The following MYCBP2 variants were observed in gnomAD, a reference collection of about 807,000 sequenced individuals.
The protein encoded by MYCBP2 is E3 ubiquitin-protein ligase MYCBP2.
Under a neutral mutation model 525.3 loss-of-function variants are expected in MYCBP2, and 120 were observed. That is an observed-to-expected ratio of 0.23 (90% CI 0.20 to 0.27). The LOEUF (loss-of-function observed/expected upper bound fraction) is 0.27, where lower values mean the gene tolerates loss of function less well. Ranked by LOEUF, MYCBP2 falls within the 10% of genes least tolerant of loss-of-function variation. The pLI, the probability that MYCBP2 is intolerant of heterozygous loss-of-function variation, is 1.00. For missense variants in MYCBP2, 4,149 were observed against 5,657.1 expected, an observed-to-expected ratio of 0.73 and a Z score of 8.55; for synonymous variants, 1,894 against 1,955.8, an observed-to-expected ratio of 0.97 and a Z score of 0.83.
At chr13:77,126,613 A>G in intron 52 of MYCBP2, 71 bp from the exon 53 acceptor site, 1 of 1,115,850 alleles carries the variant, frequency 9.0e-7, no homozygotes. Context: ...CTTCCTATTA[A>G]TAGCTTTTAT....
chr13:77,145,132 T>C (rs962909073), intron 48 of MYCBP2, among the ~76,000 whole-genome samples: 21 of 152,218 alleles, frequency 1.4e-4, no homozygotes, highest in African/African-American at 4.6e-4. Context: ...ATTCTCTCAC[T>C]TCTACTTCCT....
intron 26 of MYCBP2, among the ~76,000 whole-genome samples, chr13:77,198,201 C>G (rs893549014): frequency 6.6e-6 from 1 of 152,184 alleles, no homozygotes; most frequent in African/African-American, 2.4e-5. Context: ...TTCTTATTAT[C>G]AAAATATATG....
At chr13:77,149,483 C>T (rs909031474) in intron 47 of MYCBP2, among the ~76,000 whole-genome samples, 2 of 151,888 alleles carry the variant, frequency 1.3e-5, no homozygotes. Flanking sequence ...TATCCTGGAA[C>T]TTCTGTCTTC....
At chr13:77,296,499 T>C (rs919495567) in intron 2 of MYCBP2, 100 bp downstream of exon 2, 2 of 1,293,166 alleles carry the variant, frequency 1.5e-6, no homozygotes, top group South Asian at 1.6e-5. Flanking sequence ...CTTCAGCACA[T>C]ACTAATAAAA....
At chr13:77,127,872 A>G (rs1157006121) in intron 52 of MYCBP2, among the ~76,000 whole-genome samples, 2 of 151,914 alleles carry the variant, frequency 1.3e-5, no homozygotes, top group East Asian at 3.9e-4. Context: ...TAACTTTCAC[A>G]TAATATTTTG....
intron 26 of MYCBP2, among the ~76,000 whole-genome samples, chr13:77,203,972 G>C (rs527595202): frequency 6.6e-6 from 1 of 151,976 alleles, no homozygotes; most frequent in Non-Finnish European, 1.5e-5. Flanking sequence ...TTACCATTCA[G>C]GACATAGGCA....
chr13:77,296,342 C>A (rs2078185175), intron 2 of MYCBP2, among the ~76,000 whole-genome samples: 1 of 151,696 alleles, frequency 6.6e-6, no homozygotes. Context: ...ATCACTTGAG[C>A]CCAGGAAACT....
chr13:77,262,445 A>G (rs754600783), intron 10 of MYCBP2, among the ~76,000 whole-genome samples: 3 of 152,016 alleles, frequency 2.0e-5, no homozygotes, highest in Non-Finnish European at 4.4e-5. Context: ...AGTTTTATTG[A>G]GCGTTTATTA....
At chr13:77,199,023 G>A (rs1173723383) in intron 26 of MYCBP2, among the ~76,000 whole-genome samples, 1 of 152,084 alleles carries the variant, frequency 6.6e-6, no homozygotes. Flanking sequence ...TAGTATTACT[G>A]TAGGGGGGGA....
At position 77,156,073 on chromosome 13, in the gene MYCBP2, A is replaced by G. The variant is rs972414824; in HGVS notation, c.6900T>C (p.His2300=). ...QTKDQYGDVV[H]VPNMKVEVKA... is the part of the protein sequence containing the mutation. ...TTATAATTACCTTCATATTGGGAAC[A>G]TGTACCACATCCCCATACTGGTCTT... The change falls in exon 46 of 83, where the codon CAT becomes CAC. Residue 2300 remains histidine (H), a synonymous_variant. Transcript: ENST00000544440. The G allele has an allele frequency of 5.6e-6, 9 of 1,613,128 alleles. No individual in the cohort carries two copies. The highest frequency in any genetic ancestry group is 6.8e-6 in the Non-Finnish European group (8 of 1,179,476).
At chr13:77,213,631 CA>C (rs1249531629) in intron 21 of MYCBP2, among the ~76,000 whole-genome samples, 3 of 151,904 alleles carry the variant, frequency 2.0e-5, no homozygotes, top group African/African-American at 7.3e-5. Context: ...AAAAGCAGTC[CA>C]AAAATGTGTT....
In MYCBP2 at chr13:77,139,277, G is replaced by A. The variant is rs2054218825; in HGVS notation, c.7578C>T (p.Val2526=). The A allele has an allele frequency of 6.2e-7, 1 of 1,613,750 alleles. No homozygotes were observed. The highest frequency in any genetic ancestry group is 1.7e-5 in the Admixed American group (1 of 59,996). The change falls in exon 52 of 83, where the codon GTC becomes GTT. Residue 2526 remains valine (V), a synonymous_variant. Coordinates refer to ENST00000544440, the MANE Select transcript of MYCBP2 (RefSeq NM_015057.5). ...CTTCAGTGTAACCATTCATGTTAGG[G>A]ACATACTTCTTTATTGTCTCATCAT... is the stretch of plus-strand genomic sequence containing the variant. ...RLNDETIKKY[V]PNMNGYTEAW...
At chr13:77,262,654 C>T (rs1404766344) in intron 10 of MYCBP2, among the ~76,000 whole-genome samples, 4 of 151,886 alleles carry the variant, frequency 2.6e-5, no homozygotes, top group African/African-American at 9.7e-5. Context: ...TACAGAAAGA[C>T]ATCTTATATA....
intron 53 of MYCBP2, 44 bp downstream of exon 53, chr13:77,126,273 TA>T: frequency 6.5e-7 from 1 of 1,535,292 alleles, no homozygotes; most frequent in Non-Finnish European, 8.9e-7. Flanking sequence ...TGTATTACAT[TA>T]AAAATGAGTA....
chr13:77,045,372 C>T lies in MYCBP2; in HGVS notation c.*6G>A, dbSNP rs140837234. On this transcript the variant is annotated 3_prime_UTR_variant, in exon 83 of 83. Coordinates refer to ENST00000544440, the MANE Select transcript of MYCBP2 (RefSeq NM_015057.5). ...TTTCTCTCTGTAGACAAAGGATCTG[C>T]GTGTTCTAAAAAGTGTGGGCATTTC... is the stretch of plus-strand genomic sequence containing the variant. 1.9e-4 allele frequency: 309 copies of T among 1,603,810 alleles called. No homozygotes were observed. The East Asian group carries it at 6.7e-3, about 35-fold the overall frequency.
intron 3 of MYCBP2, among the ~76,000 whole-genome samples, chr13:77,286,613 G>A (rs1480317228): frequency 1.0e-4 from 15 of 148,348 alleles, no homozygotes; most frequent in Non-Finnish European, 1.3e-4. Context: ...AAAATTAGCC[G>A]GGCGCGGTGG....
At chr13:77,109,046 CA>C (rs1386179560) in intron 55 of MYCBP2, among the ~76,000 whole-genome samples, 1 of 152,160 alleles carries the variant, frequency 6.6e-6, no homozygotes, top group Non-Finnish European at 1.5e-5. Context: ...AAGCAGGTAC[CA>C]GCAACTCACT....
chr13:77,140,817 T>C (rs1342794309), intron 50 of MYCBP2, 29 bp downstream of exon 50: 2 of 1,520,278 alleles, frequency 1.3e-6, no homozygotes, highest in Middle Eastern at 1.7e-4. Flanking sequence ...AATTGAATGA[T>C]TCCGGCTCTC....
chr13:77,097,642 G>C lies in MYCBP2; in HGVS notation c.9512C>G (p.Ser3171Cys). The C allele has an allele frequency of 6.2e-7, 1 of 1,613,730 alleles. No individual in the cohort carries two copies. Among genetic ancestry groups the C allele is most frequent in the Non-Finnish European group, 8.5e-7 (1 of 1,179,830 alleles). The change falls in exon 56 of 83, where the codon TCT becomes TGT. Residue 3171 changes from serine to cysteine, a missense_variant. This residue lies in a region of MYCBP2 where 653 missense variants were observed against 744.7 expected (regional missense o/e 0.88). Transcript: ENST00000544440. Reference protein sequence around the residue: ...QHLVAFWEDISLATIKAASQN... With the variant: ...QHLVAFWEDICLATIKAASQN... ...GGAAGCAGCTTTGATAGTAGCCAAA[G>C]AGATGTCTTCCCAAAAAGCCACTAA... is the stretch of plus-strand genomic sequence containing the variant.
Sources: allele counts gnomAD v4.1 joint callset (sites outside exome capture counted in the v4.1 genomes callset), GRCh38; gene constraint gnomAD v4.1.1; regional missense constraint gnomAD v4.1.1; transcripts MANE v1.5; gene names NCBI Gene and HGNC (gene_info 2026-07-23, HGNC 2026-07-21).